CHD9: variants seen among roughly 807,000 people sequenced by gnomAD.
CHD9 encodes the protein ATP-dependent chromatin remodeler CHD9.
Under a neutral mutation model 316.1 loss-of-function variants are expected in CHD9, and 77 were observed. That is an observed-to-expected ratio of 0.24 (90% CI 0.20 to 0.29). The LOEUF is 0.29. CHD9 is among the 10% of genes least tolerant of loss of function. The pLI, the probability that CHD9 is intolerant of heterozygous loss-of-function variation, is 1.00. For synonymous variants in CHD9, 1,129 were observed against 1,158.3 expected (o/e 0.97, Z 0.51); for missense variants, 2,763 against 3,438.1 (o/e 0.80, Z 4.91).
chr16:53,138,573 T>A (rs1010171833), intron 1 of CHD9, among the ~76,000 whole-genome samples: 3 of 152,224 alleles, frequency 2.0e-5, no homozygotes, highest in African/African-American at 4.8e-5. Context: ...CAGAAGATTC[T>A]TAAAGCACTC....
intron 1 of CHD9, among the ~76,000 whole-genome samples, chr16:53,093,489 T>A (rs959819430): frequency 2.6e-5 from 4 of 152,200 alleles, no homozygotes. Flanking sequence ...CAAGAACTAT[T>A]TATTGAGCAC....
chr16:53,270,736 T>A (rs2052174950), intron 22 of CHD9, among the ~76,000 whole-genome samples: 1 of 152,120 alleles, frequency 6.6e-6, no homozygotes, highest in South Asian at 2.1e-4. Context: ...GGTAACTGAT[T>A]TAACCAACCT....
chr16:53,231,441 C>T lies in CHD9; in HGVS notation c.2309C>T (p.Pro770Leu). ...FADMEEEPFN[P>L]DYVEVDRVLE... is the part of the protein sequence containing the mutation. ...TAGATGGAAGAAGAACCATTTAACC[C>T]AGACTACGTTGAAGTAGACAGAGTA... Residue 770 changes from proline (P) to leucine (L), a missense_variant, in exon 9 of 39, where the codon CCA (proline) becomes CTA (leucine). By Grantham distance (98) the Pro-to-Leu change is moderately conservative. Coordinates refer to ENST00000447540, the MANE Select transcript of CHD9 (RefSeq NM_001308319.2). 6.3e-7 allele frequency: 1 copy of T among 1,597,120 alleles called. No individual in the cohort carries two copies. The highest frequency in any genetic ancestry group is 8.6e-7 in the Non-Finnish European group (1 of 1,166,604).
intron 7 of CHD9, among the ~76,000 whole-genome samples, chr16:53,228,633 G>A (rs904309713): frequency 1.2e-4 from 17 of 147,204 alleles, no homozygotes; most frequent in Non-Finnish European, 1.9e-4. Flanking sequence ...CTGCAAGCTC[G>A]AAAGCGTTTT....
At chr16:53,319,963 T>G in intron 37 of CHD9, 1 of 522,288 alleles carries the variant, frequency 1.9e-6, no homozygotes, top group Non-Finnish European at 2.6e-6. Flanking sequence ...TAAATATACT[T>G]ATTTCCTTAA....
chr16:53,239,685 T>C (rs919437646), intron 12 of CHD9, among the ~76,000 whole-genome samples: 1 of 152,112 alleles, frequency 6.6e-6, no homozygotes, highest in Non-Finnish European at 1.5e-5. Flanking sequence ...AGTAAGATAA[T>C]GTGCATAGCC....
chr16:53,101,150 G>A (rs535107662), intron 1 of CHD9, among the ~76,000 whole-genome samples: 51 of 152,186 alleles, frequency 3.4e-4, no homozygotes, highest in African/African-American at 1.2e-3. Flanking sequence ...ACACATTACC[G>A]ACAGATTAGG....
At chr16:53,129,413 C>T (rs145797250) in intron 1 of CHD9, among the ~76,000 whole-genome samples, 1 of 152,328 alleles carries the variant, frequency 6.6e-6, no homozygotes, top group African/African-American at 2.4e-5. Context: ...AAGTATCCTT[C>T]AGGGAATCAA....
At chr16:53,170,280 CTATAA>C (rs1308374275) in intron 2 of CHD9, among the ~76,000 whole-genome samples, 1 of 151,810 alleles carries the variant, frequency 6.6e-6, no homozygotes, top group African/African-American at 2.4e-5. Flanking sequence ...AATCATTGTA[CTATAA>C]TATGTTATAA....
chr16:53,165,077 G>T (rs186754704), intron 2 of CHD9, among the ~76,000 whole-genome samples: 70 of 152,310 alleles, frequency 4.6e-4, no homozygotes, highest in African/African-American at 1.6e-3. Context: ...GGCCGTGTAA[G>T]TAGAAGTCAC....
chr16:53,308,074 G>T, intron 33 of CHD9, 121 bp downstream of exon 33: 1 of 854,620 alleles, frequency 1.2e-6, no homozygotes. Flanking sequence ...TTGGTATTTG[G>T]ATTATTTTCT....
chr16:53,079,686 C>T (rs58652677), intron 1 of CHD9, among the ~76,000 whole-genome samples: 2,456 of 152,172 alleles, frequency 0.016, 70 homozygotes, highest in African/African-American at 0.056. Flanking sequence ...ACCTACTGAC[C>T]AGCCCCTCGA....
chr16:53,128,570 G>A (rs2039078753), intron 1 of CHD9, among the ~76,000 whole-genome samples: 2 of 152,154 alleles, frequency 1.3e-5, no homozygotes, highest in African/African-American at 2.4e-5. Flanking sequence ...ATTGCCTGGT[G>A]GAAATGGTAG....
In CHD9 at chr16:53,307,836, T is replaced by G. The variant is rs6499548; in HGVS notation, c.6936T>G (p.Asp2312Glu). Residue 2312 changes from aspartate to glutamate, a missense_variant, in exon 33 of 39, where the codon GAT becomes GAG. Around this residue, in one of 15 missense-constraint regions of CHD9, gnomAD observed 663 missense variants for 751.2 expected, o/e 0.88. Coordinates refer to ENST00000447540, the MANE Select transcript of CHD9 (RefSeq NM_001308319.2). ...DSPGAATEYS[D>E]PSVPTPPGAG... ...CTGGAGCAGCTACAGAATACAGCGA[T>G]CCCAGTGTACCCACTCCCCCAGGTG... 0.8 allele frequency: 1,287,437 copies of G among 1,613,212 alleles called. 515,174 individuals carry two copies. The highest frequency in any genetic ancestry group is 0.91 in the African/African-American group (68,211 of 74,990).
At chr16:53,093,619 T>TA (rs538384021) in intron 1 of CHD9, among the ~76,000 whole-genome samples, 91 of 152,340 alleles carry the variant, frequency 6.0e-4, no homozygotes, top group Non-Finnish European at 8.5e-4. Flanking sequence ...TTCTGTTTGA[T>TA]AAGCACTTTC....
intron 1 of CHD9, chr16:53,131,366 A>C: frequency 2.5e-5 from 1 of 40,080 alleles, no homozygotes; most frequent in Non-Finnish European, 4.7e-5. Context: ...GGGGAGGGGC[A>C]GGCGGGGCGG....
At chr16:53,185,048 T>C (rs1567441078) in intron 2 of CHD9, among the ~76,000 whole-genome samples, 1 of 152,186 alleles carries the variant, frequency 6.6e-6, no homozygotes, top group South Asian at 2.1e-4. Context: ...AAGTTCTTTA[T>C]AGCAATGTGA....
intron 12 of CHD9, among the ~76,000 whole-genome samples, chr16:53,240,230 T>TAC (rs1429500542): frequency 6.6e-6 from 1 of 152,190 alleles, no homozygotes; most frequent in Non-Finnish European, 1.5e-5. Flanking sequence ...TTCTTACTCG[T>TAC]ACATTTGTAG....
intron 20 of CHD9, 89 bp from the exon 21 acceptor site, chr16:53,267,205 A>T (rs2152999748): frequency 1.3e-6 from 1 of 771,484 alleles, no homozygotes; most frequent in Non-Finnish European, 1.9e-6. Flanking sequence ...TGTTTCTGTA[A>T]TTATTGTTTG....
Sources: gnomAD v4.1 joint callset for allele counts (sites outside exome capture counted in the v4.1 genomes callset) on GRCh38, gnomAD v4.1.1 for gene constraint, gnomAD v4.1.1 regional missense constraint, MANE v1.5 for transcripts, NCBI Gene and HGNC (gene_info 2026-07-23, HGNC 2026-07-21) for gene names.